The following ZFHX3 variants were observed in gnomAD, a reference collection of about 807,000 sequenced individuals.
The protein encoded by ZFHX3 is zinc finger homeobox 3, also known as zinc finger homeobox protein 3.
A neutral mutation model predicts 279.1 loss-of-function variants in ZFHX3; 42 were observed. That is an observed-to-expected ratio of 0.15 (90% confidence interval 0.12 to 0.19). The LOEUF (loss-of-function observed/expected upper bound fraction) is 0.19, where lower values mean the gene tolerates loss of function less well. ZFHX3 is among the 10% of genes least tolerant of loss of function. The pLI, the probability that ZFHX3 is intolerant of heterozygous loss-of-function variation, is 1.00. For synonymous variants in ZFHX3, 2,293 were observed against 1,957.8 expected (o/e 1.17, Z -4.52); for missense variants, 4,981 against 4,754.0 (o/e 1.05, Z -1.40).
At chr16:73,512,847 T>G (rs960507472) in intron 2 of ZFHX3, among the ~76,000 whole-genome samples, 1 of 152,208 alleles carries the variant, frequency 6.6e-6, no homozygotes, top group African/African-American at 2.4e-5. Context: ...CCTGACTATG[T>G]TGCCTGGGAG....
At chr16:73,209,556 A>C (rs2011935276) in intron 5 of ZFHX3, among the ~76,000 whole-genome samples, 1 of 152,200 alleles carries the variant, frequency 6.6e-6, no homozygotes. Context: ...TAGCAACATT[A>C]ATCCATGAAG....
At position 73,017,947 on chromosome 16, in the gene ZFHX3, A is replaced by AT. The variant is rs199968218; in HGVS notation, c.-50+29804dup. ...TTTCCTCCTTTTGGATGAAAATTTG[A>AT]TTTTTTCGATGAAGTGGGACCTATG... On this transcript the variant is annotated intron_variant, in intron 1 of 9. Coordinates refer to ENST00000268489, the MANE Select transcript of ZFHX3 (RefSeq NM_006885.4). 8.9e-3 allele frequency among the ~76,000 whole-genome samples: 1,342 copies of AT among 150,142 alleles called. 10 individuals are homozygous for AT. The highest frequency in any genetic ancestry group is 0.021 in the Middle Eastern group (6 of 284).
rs542405238 is a variant in ZFHX3 at position 73,844,862 on chromosome 16, G to A, written c.-1608+46789C>T. 7.9e-5 allele frequency among the ~76,000 whole-genome samples: 12 copies of A among 151,994 alleles called. No homozygotes were observed. The South Asian group carries it at 2.3e-3, about 29-fold the overall frequency. ...ATGGGATTGATAGATGGATAGGTAG[G>A]TAGGTAGGTAGGTAGGCGGATGGTA... On this transcript the variant is annotated intron_variant, in intron 1 of 17. Transcript: ENST00000641206.
chr16:73,874,031 C>G (rs149416083), intron 1 of ZFHX3, among the ~76,000 whole-genome samples: 115 of 152,176 alleles, frequency 7.6e-4, no homozygotes, highest in African/African-American at 2.5e-3. Context: ...CTTTTCTCTT[C>G]AATATCTCAG....
rs1319726762 is a variant in ZFHX3, at chr16:73,127,414, G to A, written c.-897+3554C>T. On this transcript the variant is annotated intron_variant, in intron 7 of 17. Transcript: ENST00000641206. Reference sequence around the variant, plus strand: ...TATTTTTGGGGCCAGAGCCTTCCCAGGTAGTAGCTGGAGCATCTCTGTTCC... The same window carrying A: ...TATTTTTGGGGCCAGAGCCTTCCCAAGTAGTAGCTGGAGCATCTCTGTTCC... 3.8e-6 allele frequency: 5 copies of A among 1,305,330 alleles called. No individual in the cohort carries two copies. In the East Asian group the frequency reaches 1.7e-4, roughly 43 times the overall value. The allele number at this position is 1,305,330 out of a possible 1,614,324, so 80.9% of individuals were successfully genotyped here.
chr16:73,166,528 G>A (rs182166719), intron 5 of ZFHX3, among the ~76,000 whole-genome samples: 10 of 152,216 alleles, frequency 6.6e-5, no homozygotes, highest in Admixed American at 6.5e-4. Flanking sequence ...CCAATGGAAA[G>A]AGAGAAGCAA....
intron 4 of ZFHX3, among the ~76,000 whole-genome samples, chr16:72,840,842 T>G (rs1217876809): frequency 6.6e-6 from 1 of 152,144 alleles, no homozygotes; most frequent in African/African-American, 2.4e-5. Flanking sequence ...GCTGGTAAAA[T>G]AAGCTGATTC....
In ZFHX3 at chr16:73,537,347, C is replaced by T. The variant is rs564595935; in HGVS notation, c.-1546-81089G>A. 4.0e-3 allele frequency among the ~76,000 whole-genome samples: 476 copies of T among 119,036 alleles called. 2 individuals carry two copies. The highest frequency in any genetic ancestry group is 0.015 in the African/African-American group (462 of 31,740). 78.1% of individuals were successfully genotyped at this position (119,036 alleles called of 152,430 possible). On this transcript the variant is annotated intron_variant, in intron 2 of 17. Transcript: ENST00000641206. ...TTTTTTTTTTTTTTTTTTTTAGTCT[C>T]ACTCTGTTGCCCAGGCTGGAGTGCA...
chr16:73,813,926 A>G (rs1960493055), intron 1 of ZFHX3: 2 of 152,196 alleles, frequency 1.3e-5, no homozygotes, highest in African/African-American at 4.8e-5. Context: ...ATCTACTATT[A>G]GTTGGGCTGA....
intron 1 of ZFHX3, among the ~76,000 whole-genome samples, chr16:73,847,536 T>C (rs916225836): frequency 2.6e-5 from 4 of 152,144 alleles, no homozygotes; most frequent in African/African-American, 9.7e-5. Flanking sequence ...TCAATTATAA[T>C]AACTAGAGTG....
At chr16:73,217,922 A>G (rs1030348873) in intron 5 of ZFHX3, among the ~76,000 whole-genome samples, 1 of 152,120 alleles carries the variant, frequency 6.6e-6, no homozygotes, top group Admixed American at 6.5e-5. Context: ...ACCTGCAGAC[A>G]CCAGGATTGA....
chr16:73,357,427 G>C (rs1207365427), intron 3 of ZFHX3, among the ~76,000 whole-genome samples: 1 of 150,538 alleles, frequency 6.6e-6, no homozygotes, highest in Admixed American at 6.6e-5. Flanking sequence ...GTAACCTAGG[G>C]CAACTGAGAT....
intron 4 of ZFHX3, among the ~76,000 whole-genome samples, chr16:73,286,127 C>T (rs763378124): frequency 1.3e-5 from 2 of 152,062 alleles, no homozygotes; most frequent in African/African-American, 2.4e-5. Flanking sequence ...TTCTTCCCTC[C>T]GCGGCTCCCA....
rs373523539 is a variant in ZFHX3, at chr16:72,875,836, G to A, written c.3448+13895C>T. On this transcript the variant is annotated intron_variant, in intron 4 of 9. Coordinates refer to ENST00000268489, the MANE Select transcript of ZFHX3 (RefSeq NM_006885.4). Reference sequence around the variant, plus strand: ...TATCAGGTGATGCAACAACCTGCCCGGTCCCAGGGCTGGAATTCCAAACAG... The same window carrying A: ...TATCAGGTGATGCAACAACCTGCCCAGTCCCAGGGCTGGAATTCCAAACAG... 1.1e-4 allele frequency among the ~76,000 whole-genome samples: 16 copies of A among 152,272 alleles called. No homozygotes were observed. In the East Asian group the frequency reaches 2.5e-3, roughly 24 times the overall value.
chr16:73,551,232 G>A (rs2020199066), intron 2 of ZFHX3, among the ~76,000 whole-genome samples: 1 of 151,992 alleles, frequency 6.6e-6, no homozygotes, highest in African/African-American at 2.4e-5. Flanking sequence ...TGCATGAGAA[G>A]GGAAAATGCG....
chr16:73,760,230 T>G (rs545018346), intron 1 of ZFHX3, among the ~76,000 whole-genome samples: 1 of 152,206 alleles, frequency 6.6e-6, no homozygotes, highest in African/African-American at 2.4e-5. Context: ...TTCCCAAGAC[T>G]GAACCAGAAA....
At position 73,689,853 on chromosome 16, in the gene ZFHX3, C is replaced by T. The variant is rs1230928326; in HGVS notation, c.-1607-9613G>A. 2.7e-5 allele frequency among the ~76,000 whole-genome samples: 4 copies of T among 148,550 alleles called. No homozygotes were observed. The South Asian group carries it at 6.4e-4, about 24-fold the overall frequency. Reference sequence around the variant, plus strand: ...TGTTGTTGTTTTTTTGAGATGGAGTCTCGCTCTGTCGCCCAGGCTGGAGTG... The same window carrying T: ...TGTTGTTGTTTTTTTGAGATGGAGTTTCGCTCTGTCGCCCAGGCTGGAGTG... On this transcript the variant is annotated intron_variant, in intron 1 of 17. Transcript: ENST00000641206.
intron 4 of ZFHX3, among the ~76,000 whole-genome samples, chr16:73,266,229 T>C (rs1255437087): frequency 1.3e-5 from 2 of 152,252 alleles, no homozygotes; most frequent in Non-Finnish European, 2.9e-5. Context: ...CTTTTCTCAA[T>C]TCTAGTATTT....
At chr16:73,386,294 A>G (rs139978797) in intron 3 of ZFHX3, among the ~76,000 whole-genome samples, 458 of 152,240 alleles carry the variant, frequency 3.0e-3, no homozygotes, top group African/African-American at 0.011. Flanking sequence ...TAAAAAACCC[A>G]CAGGACTCAG....
Sources: gnomAD v4.1 joint callset for allele counts (sites outside exome capture counted in the v4.1 genomes callset) on GRCh38, gnomAD v4.1.1 for gene constraint, MANE v1.5 for transcripts, NCBI Gene and HGNC (gene_info 2026-07-23, HGNC 2026-07-21) for gene names.